The following AFF3 variants were observed in gnomAD, a reference collection of about 807,000 sequenced individuals.
AFF3 encodes the protein AF4/FMR2 family member 3.
In AFF3, 32 loss-of-function variants were observed where a neutral mutation model predicts 129.7. The ratio of observed to expected loss-of-function variants is 0.25; its 90% CI spans 0.19 to 0.33. The LOEUF (loss-of-function observed/expected upper bound fraction) is 0.33, where lower values mean the gene tolerates loss of function less well. Ranked by LOEUF, AFF3 falls within the 10% of genes least tolerant of loss-of-function variation. The pLI is 1.00. For synonymous variants in AFF3, 644 were observed against 635.4 expected, an observed-to-expected ratio of 1.01 and a Z score of -0.20; for missense variants, 1,373 against 1,592.0, an observed-to-expected ratio of 0.86 and a Z score of 2.34.
intron 12 of AFF3, among the ~76,000 whole-genome samples, chr2:99,668,391 C>T (rs954227217): frequency 6.6e-6 from 1 of 151,700 alleles, no homozygotes; most frequent in African/African-American, 2.4e-5. Context: ...AGGCTGGTCT[C>T]GAACTCCTGA....
chr2:99,718,262 G>A (rs1246504734), intron 11 of AFF3, among the ~76,000 whole-genome samples: 3 of 152,138 alleles, frequency 2.0e-5, no homozygotes, highest in Non-Finnish European at 4.4e-5. Context: ...GAGAAAAATC[G>A]AGATGTCAAC....
chr2:99,907,665 G>T (rs1201081201), intron 7 of AFF3, among the ~76,000 whole-genome samples: 3 of 151,350 alleles, frequency 2.0e-5, no homozygotes, highest in African/African-American at 4.9e-5. Context: ...TTTAGATAGG[G>T]TCTCACCCTG....
intron 1 of AFF3, among the ~76,000 whole-genome samples, chr2:100,134,738 C>T (rs1692562103): frequency 6.6e-6 from 1 of 152,210 alleles, no homozygotes. Context: ...GTCTCAATAT[C>T]ATTTACTGAA....
intron 12 of AFF3, among the ~76,000 whole-genome samples, chr2:99,655,213 TAC>T (rs59646108): frequency 0.058 from 7,508 of 130,034 alleles, 228 homozygotes; most frequent in Admixed American, 0.094. Context: ...CATGAAAAGC[TAC>T]ACACACACAC....
intron 4 of AFF3, among the ~76,000 whole-genome samples, chr2:100,021,319 G>C (rs1261208553): frequency 2.0e-5 from 3 of 152,180 alleles, no homozygotes; most frequent in Non-Finnish European, 4.4e-5. Flanking sequence ...CTGGTTTCCT[G>C]AAACACGCAA....
At chr2:99,963,704 C>A (rs1193188241) in intron 7 of AFF3, among the ~76,000 whole-genome samples, 1 of 151,360 alleles carries the variant, frequency 6.6e-6, no homozygotes, top group African/African-American at 2.4e-5. Context: ...AAATAACCCA[C>A]AGACAATTAA....
At chr2:99,609,054 G>T (rs564374451) in intron 13 of AFF3, among the ~76,000 whole-genome samples, 1 of 151,958 alleles carries the variant, frequency 6.6e-6, no homozygotes, top group Non-Finnish European at 1.5e-5. Context: ...ACAAACAAGG[G>T]GTGAACCAAA....
intron 24 of AFF3, among the ~76,000 whole-genome samples, chr2:99,552,724 G>A (rs1674521551): frequency 1.3e-5 from 2 of 152,154 alleles, no homozygotes; most frequent in African/African-American, 4.8e-5. Flanking sequence ...AGGGGTAGGG[G>A]AACAATGCCA....
intron 22 of AFF3, among the ~76,000 whole-genome samples, chr2:99,558,566 G>A (rs1471101105): frequency 6.6e-6 from 1 of 152,144 alleles, no homozygotes; most frequent in East Asian, 1.9e-4. Context: ...GTTGCAGTGA[G>A]CCGAGATCGC....
chr2:99,929,822 A>G (rs968473387), intron 7 of AFF3, among the ~76,000 whole-genome samples: 1 of 152,164 alleles, frequency 6.6e-6, no homozygotes, highest in African/African-American at 2.4e-5. Context: ...ATGCCAACAA[A>G]TATCTGAAAA....
intron 19 of AFF3, among the ~76,000 whole-genome samples, 176 bp downstream of exon 19, chr2:99,568,676 T>C (rs543711004): frequency 6.6e-6 from 1 of 152,336 alleles, no homozygotes; most frequent in South Asian, 2.1e-4. Flanking sequence ...GCATTATTGG[T>C]TGAAGTCATA....
At chr2:99,799,628 A>T (rs1685788798) in intron 8 of AFF3, among the ~76,000 whole-genome samples, 1 of 152,112 alleles carries the variant, frequency 6.6e-6, no homozygotes, top group African/African-American at 2.4e-5. Flanking sequence ...AGTTGGTTCT[A>T]AAATTTACAC....
chr2:99,988,180 G>C (rs1262340567), intron 7 of AFF3, among the ~76,000 whole-genome samples: 1 of 152,158 alleles, frequency 6.6e-6, no homozygotes, highest in Non-Finnish European at 1.5e-5. Context: ...AGTGAAGGCA[G>C]GGGGAGAAGT....
At chr2:99,725,741 A>G (rs993941191) in intron 11 of AFF3, among the ~76,000 whole-genome samples, 35 of 152,230 alleles carry the variant, frequency 2.3e-4, no homozygotes, top group African/African-American at 8.2e-4. Flanking sequence ...GTAAAATTAA[A>G]TGTAGGATGC....
chr2:99,643,179 C>T (rs1431895832), intron 13 of AFF3, among the ~76,000 whole-genome samples: 2 of 151,026 alleles, frequency 1.3e-5, no homozygotes, highest in Non-Finnish European at 2.9e-5. Context: ...CCTGCCTCAG[C>T]CTCCTGAGTA....
At chr2:99,832,124 A>T (rs1482268640) in intron 8 of AFF3, among the ~76,000 whole-genome samples, 1 of 152,206 alleles carries the variant, frequency 6.6e-6, no homozygotes, top group Non-Finnish European at 1.5e-5. Context: ...CCCCGTGAAA[A>T]GATATTGACT....
intron 7 of AFF3, among the ~76,000 whole-genome samples, chr2:99,905,442 C>A (rs1024469526): frequency 6.6e-6 from 1 of 152,194 alleles, no homozygotes; most frequent in African/African-American, 2.4e-5. Flanking sequence ...TCTGCCCTCC[C>A]TTCCTCTTGC....
At position 100,007,243 on chromosome 2, in the gene AFF3, G is replaced by A. The variant is rs1439005621; in HGVS notation, c.392C>T (p.Ser131Phe). 6.2e-7 allele frequency: 1 copy of A among 1,614,028 alleles called. No homozygotes were observed. Among genetic ancestry groups the A allele is most frequent in the Admixed American group, 1.7e-5 (1 of 59,992 alleles). ...QPSSICSTTT[S>F]TPAAVPVQQS... Reference sequence around the variant, plus strand: ...CTGCACGGGGACAGCTGCTGGTGTGGAAGTTGTAGTGCTACAGATAGACGA... The same window carrying A: ...CTGCACGGGGACAGCTGCTGGTGTGAAAGTTGTAGTGCTACAGATAGACGA... Residue 131 changes from serine to phenylalanine, a missense_variant, in exon 6 of 25, where the codon TCC becomes TTC. Ser to Phe is a radical substitution (Grantham distance 155). Transcript: ENST00000672756.
At chr2:99,829,609 A>G (rs555181665) in intron 8 of AFF3, among the ~76,000 whole-genome samples, 1 of 152,300 alleles carries the variant, frequency 6.6e-6, no homozygotes, top group Admixed American at 6.5e-5. Flanking sequence ...GTTAGAATGG[A>G]GATCATTAAA....
Sources: gnomAD v4.1 joint callset for allele counts (sites outside exome capture counted in the v4.1 genomes callset) on GRCh38, gnomAD v4.1.1 for gene constraint, MANE v1.5 for transcripts, NCBI Gene and HGNC (gene_info 2026-07-23, HGNC 2026-07-21) for gene names.